Variants in EXT2 observed in about 807,000 individuals in gnomAD.
EXT2 encodes the protein exostosin glycosyltransferase 2.
Under a neutral mutation model 81.6 loss-of-function variants are expected in EXT2, and 53 were observed. That is an observed-to-expected ratio of 0.65 (90% CI 0.52 to 0.82). EXT2 has a LOEUF of 0.82. EXT2 is among the 40% of genes least tolerant of loss of function. The pLI is 0.00. For synonymous variants in EXT2, 320 were observed against 340.0 expected (o/e 0.94, Z 0.65); for missense variants, 774 against 910.2 (o/e 0.85, Z 1.93).
intron 10 of EXT2, among the ~76,000 whole-genome samples, chr11:44,225,784 C>A (rs1014734515): frequency 6.6e-6 from 1 of 152,174 alleles, no homozygotes; most frequent in Admixed American, 6.5e-5. Context: ...AACCATGTCT[C>A]TCCAGGTCTC....
intron 10 of EXT2, among the ~76,000 whole-genome samples, chr11:44,223,139 T>C (rs577945742): frequency 6.6e-6 from 1 of 152,330 alleles, no homozygotes; most frequent in African/African-American, 2.4e-5. Flanking sequence ...CAAATGCCAA[T>C]GAGAATACAG....
At chr11:44,168,891 A>C (rs1955031603) in intron 7 of EXT2, among the ~76,000 whole-genome samples, 1 of 152,228 alleles carries the variant, frequency 6.6e-6, no homozygotes, top group Non-Finnish European at 1.5e-5. Context: ...GCATTAAGAA[A>C]AGAAAGGGTA....
At chr11:44,130,605 C>A (rs1272217488) in intron 7 of EXT2, among the ~76,000 whole-genome samples, 8 of 152,218 alleles carry the variant, frequency 5.3e-5, no homozygotes, top group African/African-American at 1.9e-4. Context: ...TCCTGCCTCT[C>A]TTTCCAAATT....
At chr11:44,202,163 C>T (rs1404337831) in intron 9 of EXT2, among the ~76,000 whole-genome samples, 1 of 152,174 alleles carries the variant, frequency 6.6e-6, no homozygotes, top group Non-Finnish European at 1.5e-5. Context: ...TACCTGCACC[C>T]CATATCATCC....
intron 7 of EXT2, among the ~76,000 whole-genome samples, chr11:44,163,098 T>C (rs1231275908): frequency 1.3e-5 from 2 of 152,208 alleles, no homozygotes; most frequent in East Asian, 1.9e-4. Context: ...CTTCCTCTGC[T>C]CTTCTGGAGA....
chr11:44,144,362 G>A (rs1163205006), intron 7 of EXT2: 1 of 1,581,742 alleles, frequency 6.3e-7, no homozygotes, highest in African/African-American at 1.3e-5. Context: ...TAGAAAACCG[G>A]GCCCAGCAGA....
chr11:44,205,848 A>G (rs150725209), intron 9 of EXT2, among the ~76,000 whole-genome samples: 71 of 152,304 alleles, frequency 4.7e-4, no homozygotes, highest in African/African-American at 1.7e-3. Flanking sequence ...TCCTATTCTC[A>G]TTTGACAAAT....
intron 10 of EXT2, among the ~76,000 whole-genome samples, chr11:44,224,024 C>T (rs542675073): frequency 2.6e-5 from 4 of 152,286 alleles, no homozygotes; most frequent in African/African-American, 9.6e-5. Context: ...TTGATTCTAT[C>T]AATGTCAATT....
rs1284911205 is a variant in EXT2, at chr11:44,107,561, G to A, written c.-30-122G>A. 8.9e-6 allele frequency: 8 copies of A among 895,700 alleles called. No homozygotes were observed. The African/African-American group carries it at 1.4e-4, about 15-fold the overall frequency. 55.5% of individuals were successfully genotyped at this position (895,700 alleles called of 1,614,324 possible). On this transcript the variant is annotated intron_variant, in intron 1 of 13. Coordinates refer to ENST00000533608, the MANE Select transcript of EXT2 (RefSeq NM_207122.2). ...ATTGCACCACTGCACTCCAGCCTGA[G>A]TGACAGAGTGAAACCCTGTCTCAAA...
chr11:44,244,131 C>A lies in EXT2; in HGVS notation c.2019-18C>A, dbSNP rs752753961. On this transcript the variant is annotated intron_variant, in intron 13 of 13. Coordinates refer to ENST00000533608, the MANE Select transcript of EXT2 (RefSeq NM_207122.2). ...CTGCTCAAACCCCTCCTCCCCACCT[C>A]CTCTCCAAATCCCACAGGTCAGAGT... is the stretch of plus-strand genomic sequence containing the variant. The A allele has an allele frequency of 6.2e-7, 1 of 1,613,568 alleles. No homozygotes were observed. Among genetic ancestry groups the A allele is most frequent in the South Asian group, 1.1e-5 (1 of 91,054 alleles).
At chr11:44,139,794 T>C (rs986000585) in intron 7 of EXT2, among the ~76,000 whole-genome samples, 8 of 152,212 alleles carry the variant, frequency 5.3e-5, no homozygotes, top group African/African-American at 1.9e-4. Flanking sequence ...ATGGGCTTCT[T>C]TGGCTCTTCT....
chr11:44,172,516 T>G (rs1955090234), intron 8 of EXT2, among the ~76,000 whole-genome samples: 1 of 151,878 alleles, frequency 6.6e-6, no homozygotes, highest in Non-Finnish European at 1.5e-5. Context: ...CTGTTCTCCA[T>G]TCTTCATTCT....
chr11:44,144,289 A>G (rs764503340), intron 7 of EXT2: 1 of 1,598,416 alleles, frequency 6.3e-7, no homozygotes, highest in Non-Finnish European at 8.5e-7. Context: ...GTCAGCTGCT[A>G]ATCACCAAAT....
intron 10 of EXT2, among the ~76,000 whole-genome samples, chr11:44,222,971 C>T (rs1170750630): frequency 3.3e-5 from 5 of 152,240 alleles, no homozygotes; most frequent in African/African-American, 7.2e-5. Context: ...AGAAAATGGG[C>T]AAAGGCCATG....
At chr11:44,121,603 C>T (rs1330766528) in intron 4 of EXT2, among the ~76,000 whole-genome samples, 2 of 151,668 alleles carry the variant, frequency 1.3e-5, no homozygotes, top group Non-Finnish European at 2.9e-5. Context: ...AGAGGCCTTC[C>T]CCACCCCTCC....
intron 4 of EXT2, among the ~76,000 whole-genome samples, chr11:44,124,447 AC>A (rs1422444757): frequency 2.5e-4 from 13 of 52,290 alleles, no homozygotes; most frequent in African/African-American, 7.2e-4. Flanking sequence ...TCTCTCCTAC[AC>A]ACACACACAC....
In EXT2 at chr11:44,165,167, C is replaced by T. The variant is rs181670136; in HGVS notation, c.1174-6444C>T. On this transcript the variant is annotated intron_variant, in intron 7 of 13. Coordinates refer to ENST00000533608, the MANE Select transcript of EXT2 (RefSeq NM_207122.2). ...TGCTGGGATTACAGGCGTGAGCCAC[C>T]GCGCCCGGCCCACACTTTTAAGATA... 1.4e-4 allele frequency among the ~76,000 whole-genome samples: 22 copies of T among 152,278 alleles called. 1 individual carries two copies. The highest frequency in any genetic ancestry group is 1.4e-3 in the Admixed American group (21 of 15,306).
At chr11:44,139,299 C>A (rs1954614120) in intron 7 of EXT2, among the ~76,000 whole-genome samples, 2 of 149,666 alleles carry the variant, frequency 1.3e-5, no homozygotes, top group South Asian at 4.2e-4. Flanking sequence ...TTTCCCCCTT[C>A]TAATCTTTTC....
At chr11:44,237,926 A>C (rs1346404203) in intron 13 of EXT2, among the ~76,000 whole-genome samples, 2 of 151,074 alleles carry the variant, frequency 1.3e-5, no homozygotes, top group East Asian at 1.9e-4. Flanking sequence ...AAAAAAAAAA[A>C]AAAACATACA....
Sources: gnomAD v4.1 joint callset for allele counts (sites outside exome capture counted in the v4.1 genomes callset) on GRCh38, gnomAD v4.1.1 for gene constraint, MANE v1.5 for transcripts, NCBI Gene and HGNC (gene_info 2026-07-23, HGNC 2026-07-21) for gene names.